PDE4D: variants seen among roughly 807,000 people sequenced by gnomAD.
The protein encoded by PDE4D is 3',5'-cyclic-AMP phosphodiesterase 4D.
PDE4D carries 24 observed loss-of-function variants against 87.4 expected under a neutral mutation model. That is an observed-to-expected ratio of 0.27 (90% CI 0.20 to 0.39). The LOEUF is 0.39. PDE4D is among the 10% of genes least tolerant of loss of function. The probability of loss-of-function intolerance (pLI) is 1.00; values close to 1 mark genes in which losing one functional copy is unlikely to be tolerated. For missense variants in PDE4D, 714 were observed against 1,041.0 expected, an observed-to-expected ratio of 0.69 and a Z score of 4.32; for synonymous variants, 384 against 383.2, an observed-to-expected ratio of 1.00 and a Z score of -0.02.
intron 1 of PDE4D, among the ~76,000 whole-genome samples, chr5:59,292,868 A>T (rs952705577): frequency 6.6e-5 from 10 of 152,138 alleles, no homozygotes; most frequent in Non-Finnish European, 1.5e-4. Flanking sequence ...GAATTCTGGT[A>T]AGAAGTGATT....
intron 2 of PDE4D, among the ~76,000 whole-genome samples, chr5:60,084,403 TGTGC>T (rs979579689): frequency 1.3e-4 from 19 of 151,232 alleles, no homozygotes; most frequent in Admixed American, 9.2e-4. Context: ...TGTGTGTGTG[TGTGC>T]GCGCGCGCGT....
At chr5:59,527,367 A>G (rs1813353588) in intron 1 of PDE4D, among the ~76,000 whole-genome samples, 1 of 152,192 alleles carries the variant, frequency 6.6e-6, no homozygotes, top group Admixed American at 6.5e-5. Flanking sequence ...TTCTAGTACT[A>G]TGTTCACAAA....
intron 1 of PDE4D, among the ~76,000 whole-genome samples, chr5:60,217,590 T>C (rs1007646549): frequency 1.3e-5 from 2 of 151,928 alleles, no homozygotes; most frequent in Admixed American, 1.3e-4. Context: ...TAATAACTTA[T>C]GTTCATCAAA....
chr5:60,352,427 A>T (rs944732931), intron 1 of PDE4D, among the ~76,000 whole-genome samples: 3 of 152,224 alleles, frequency 2.0e-5, no homozygotes, highest in South Asian at 2.1e-4. Flanking sequence ...CTCTCTGCTC[A>T]AAAGCAGGTA....
At chr5:59,097,122 T>C (rs139139166) in intron 5 of PDE4D, among the ~76,000 whole-genome samples, 293 of 152,296 alleles carry the variant, frequency 1.9e-3, no homozygotes, top group African/African-American at 6.7e-3. Flanking sequence ...AAAGTTTATA[T>C]GGAATTGGCA....
At chr5:59,286,907 T>C (rs1301139172) in intron 1 of PDE4D, among the ~76,000 whole-genome samples, 1 of 87,288 alleles carries the variant, frequency 1.1e-5, no homozygotes, top group Admixed American at 1.2e-4. Context: ...AAAAACACTT[T>C]CTTTGGATGT....
chr5:60,071,451 CTAA>C (rs1317053833), intron 2 of PDE4D, among the ~76,000 whole-genome samples: 8 of 152,040 alleles, frequency 5.3e-5, no homozygotes, highest in Admixed American at 3.3e-4. Context: ...GTCTTTTTCA[CTAA>C]TATTATTAAA....
chr5:59,034,543 A>C (rs945453837), intron 6 of PDE4D, among the ~76,000 whole-genome samples: 2 of 152,202 alleles, frequency 1.3e-5, no homozygotes, highest in Non-Finnish European at 2.9e-5. Flanking sequence ...ATACATCAAC[A>C]AAAAGTCCTA....
chr5:60,422,108 G>A (rs1316498080), intron 1 of PDE4D, among the ~76,000 whole-genome samples: 1 of 152,186 alleles, frequency 6.6e-6, no homozygotes, highest in Non-Finnish European at 1.5e-5. Context: ...GAACCAAGTT[G>A]GAAAACACTC....
intron 6 of PDE4D, among the ~76,000 whole-genome samples, chr5:59,034,935 G>T (rs746887377): frequency 6.6e-6 from 1 of 152,126 alleles, no homozygotes; most frequent in Non-Finnish European, 1.5e-5. Context: ...AAATGATTTC[G>T]TTTTCTCCTT....
chr5:59,019,024 C>T (rs1211586868), intron 6 of PDE4D, among the ~76,000 whole-genome samples: 1 of 151,404 alleles, frequency 6.6e-6, no homozygotes, highest in Non-Finnish European at 1.5e-5. Flanking sequence ...CATAGCCTTA[C>T]CTAAATTATA....
At chr5:60,147,601 A>G (rs183750663) in intron 2 of PDE4D, 138 of 250,878 alleles carry the variant, frequency 5.5e-4, no homozygotes, top group Non-Finnish European at 2.8e-4. Flanking sequence ...TAAAGCAACA[A>G]ATATCTCTTA....
intron 5 of PDE4D, among the ~76,000 whole-genome samples, chr5:59,120,757 C>G (rs1370648150): frequency 6.6e-6 from 1 of 151,876 alleles, no homozygotes; most frequent in African/African-American, 2.4e-5. Flanking sequence ...GAATATATCA[C>G]ACTACCTGAC....
chr5:60,223,096 C>T (rs916573174), intron 1 of PDE4D, among the ~76,000 whole-genome samples: 1 of 152,092 alleles, frequency 6.6e-6, no homozygotes. Flanking sequence ...GTTGGCACTG[C>T]ACTGAATGTC....
chr5:60,136,370 G>A (rs1780050646), intron 2 of PDE4D, among the ~76,000 whole-genome samples: 1 of 151,520 alleles, frequency 6.6e-6, no homozygotes, highest in African/African-American at 2.4e-5. Flanking sequence ...AGGCTGGAGT[G>A]CACTGGCATG....
Position 59,345,862 on chromosome 5 carries a change from T to C in PDE4D, c.456-129894A>G, listed in dbSNP as rs543293421. On this transcript the variant is annotated intron_variant, in intron 1 of 14. Transcript: ENST00000340635. ...CCTCTTGGGATATACCCAACCTACG[T>C]GTATGCACAAAACACTGCAACACTA... is the stretch of plus-strand genomic sequence containing the variant. 4.6e-5 allele frequency among the ~76,000 whole-genome samples: 7 copies of C among 152,302 alleles called. 1 individual carries two copies. The South Asian group carries it at 1.2e-3, about 27-fold the overall frequency.
intron 2 of PDE4D, among the ~76,000 whole-genome samples, chr5:60,042,518 G>C: frequency 6.6e-6 from 1 of 152,190 alleles, no homozygotes; most frequent in Non-Finnish European, 1.5e-5. Flanking sequence ...TTCCCAGCAG[G>C]GGTCGACAGA....
In PDE4D at chr5:59,893,429, G is replaced by A. The variant is rs1751272004; in HGVS notation, c.194C>T (p.Pro65Leu). 2 of 1,505,894 alleles carry A rather than the reference G, an allele frequency of 1.3e-6. No homozygotes were observed. Among genetic ancestry groups the A allele is most frequent in the Middle Eastern group, 2.3e-4 (1 of 4,282 alleles). 93.3% of individuals were successfully genotyped at this position (1,505,894 alleles called of 1,614,324 possible). ...TAGCGGACACTGGGGCTGGGGCTGG[G>A]GCGAGGGTGGCGGCGGCGGGGGCAG... ...HHLPPPPPPS[P>L]QPQPQCPLQP... Residue 65 changes from proline to leucine, a missense_variant, in exon 1 of 15, where the codon CCC (proline) becomes CTC (leucine). Transcript: ENST00000340635.
At chr5:59,250,494 A>G (rs1454912170) in intron 1 of PDE4D, among the ~76,000 whole-genome samples, 1 of 123,242 alleles carries the variant, frequency 8.1e-6, no homozygotes, top group Non-Finnish European at 1.9e-5. Flanking sequence ...TCCTGCCTCG[A>G]AAAAAAAAAA....
Sources: allele counts gnomAD v4.1 joint callset (sites outside exome capture counted in the v4.1 genomes callset), GRCh38; gene constraint gnomAD v4.1.1; transcripts MANE v1.5; gene names NCBI Gene and HGNC (gene_info 2026-07-23, HGNC 2026-07-21).